The following TMEM74 variants were observed in gnomAD, a reference collection of about 807,000 sequenced individuals.
TMEM74 encodes transmembrane protein 74.
In TMEM74, 13 loss-of-function variants were observed where a neutral mutation model predicts 18.1. That is an observed-to-expected ratio of 0.72 (90% CI 0.47 to 1.14). The LOEUF (loss-of-function observed/expected upper bound fraction) is 1.14, where lower values mean the gene tolerates loss of function less well. Ranked by LOEUF, TMEM74 falls within the 50% of genes most tolerant of loss-of-function variation. TMEM74 has a pLI of 0.00. For missense variants in TMEM74, 372 were observed against 375.9 expected (o/e 0.99, Z 0.09); for synonymous variants, 159 against 146.6 (o/e 1.08, Z -0.61).
chr8:108,697,396 A>G (rs1813290658), intron 1 of TMEM74, among the ~76,000 whole-genome samples: 1 of 152,114 alleles, frequency 6.6e-6, no homozygotes, highest in Non-Finnish European at 1.5e-5. Flanking sequence ...TATAAGCTTC[A>G]ATTCCTCCTT....
At chr8:108,687,847 C>T (rs1387185231) in intron 1 of TMEM74, among the ~76,000 whole-genome samples, 1 of 151,510 alleles carries the variant, frequency 6.6e-6, no homozygotes, top group Non-Finnish European at 1.5e-5. Flanking sequence ...GCTCGCTCAC[C>T]CACCACTCAC....
intron 1 of TMEM74, among the ~76,000 whole-genome samples, chr8:108,734,196 C>A (rs1024332453): frequency 6.6e-6 from 1 of 152,106 alleles, no homozygotes; most frequent in African/African-American, 2.4e-5. Context: ...CACTCTCTCT[C>A]GGAGCTCGGA....
chr8:108,638,800 G>A (rs1246802200), intron 2 of TMEM74, among the ~76,000 whole-genome samples: 1 of 152,068 alleles, frequency 6.6e-6, no homozygotes, highest in Non-Finnish European at 1.5e-5. Context: ...GGTGTGGTGG[G>A]CTGATCGCAT....
chr8:108,740,032 T>C (rs528563264), intron 1 of TMEM74, among the ~76,000 whole-genome samples: 6 of 152,210 alleles, frequency 3.9e-5, no homozygotes, highest in African/African-American at 1.4e-4. Flanking sequence ...GGCAGGTGCA[T>C]GATCTACAGC....
intron 1 of TMEM74, among the ~76,000 whole-genome samples, chr8:108,709,617 C>T (rs1813455100): frequency 6.6e-6 from 1 of 151,914 alleles, no homozygotes; most frequent in Non-Finnish European, 1.5e-5. Context: ...CAGAGTAGTG[C>T]CTATAGTTAA....
At chr8:108,700,820 C>G (rs1336459573) in intron 1 of TMEM74, among the ~76,000 whole-genome samples, 1 of 152,158 alleles carries the variant, frequency 6.6e-6, no homozygotes, top group African/African-American at 2.4e-5. Flanking sequence ...ACAGCTGGAG[C>G]ATGGCAGAGC....
At chr8:108,693,646 C>T (rs779869558) in intron 1 of TMEM74, among the ~76,000 whole-genome samples, 2 of 152,236 alleles carry the variant, frequency 1.3e-5, no homozygotes, top group African/African-American at 4.8e-5. Flanking sequence ...TAAATAGGTA[C>T]GGGGTGGTGT....
rs78951171 is a variant in TMEM74 at position 108,785,196 on chromosome 8, G to C, written c.-39-59C>G. The C allele has an allele frequency of 4.9e-3, 6,589 of 1,343,334 alleles. 238 individuals carry two copies. The African/African-American group carries it at 0.084, about 17-fold the overall frequency. 83.2% of individuals were successfully genotyped at this position (1,343,334 alleles called of 1,614,324 possible). A position where few individuals can be genotyped will look rare whatever the true frequency, so the allele number is the denominator to read the frequency against. On this transcript the variant is annotated intron_variant, in intron 1 of 1. Coordinates refer to ENST00000297459, the MANE Select transcript of TMEM74 (RefSeq NM_153015.3). Reference sequence around the variant, plus strand: ...ACAGAAGCTAAGGTTGTACTTCCAGGAGTGTTGCTCCTGGGGTCCCCATTT... The same window carrying C: ...ACAGAAGCTAAGGTTGTACTTCCAGCAGTGTTGCTCCTGGGGTCCCCATTT...
intron 2 of TMEM74, among the ~76,000 whole-genome samples, chr8:108,642,137 G>A (rs762652897): frequency 6.6e-6 from 1 of 152,114 alleles, no homozygotes; most frequent in Non-Finnish European, 1.5e-5. Context: ...CGTGGCTCAT[G>A]CCTGTAATTC....
intron 1 of TMEM74, among the ~76,000 whole-genome samples, chr8:108,662,750 A>G (rs1318196793): frequency 1.3e-5 from 2 of 152,156 alleles, no homozygotes; most frequent in African/African-American, 4.8e-5. Context: ...CAATTTATGC[A>G]TAAAAAGCTC....
rs549305911 is a variant in TMEM74, at chr8:108,662,036, T to C, written n.120-6599A>G. On this transcript the variant is annotated intron_variant and non_coding_transcript_variant, in intron 1 of 3. Coordinates refer to the TMEM74 transcript ENST00000518838. ...GAGATAACAGTCCTTCTTTTTACAG[T>C]GGGGTGAAAGATAGAGATGGAAAAT... Among the ~76,000 whole-genome samples, 35 of 152,110 alleles carry C rather than the reference T, an allele frequency of 2.3e-4. 1 individual carries two copies. The South Asian group carries it at 3.7e-3, about 16-fold the overall frequency.
intron 1 of TMEM74, among the ~76,000 whole-genome samples, chr8:108,679,840 G>A (rs111888676): frequency 2.0e-5 from 3 of 152,034 alleles, no homozygotes; most frequent in African/African-American, 7.2e-5. Context: ...TGTCCTGAAT[G>A]GTATTGCCTA....
intron 2 of TMEM74, among the ~76,000 whole-genome samples, chr8:108,627,258 G>A (rs1354689084): frequency 6.6e-6 from 1 of 151,988 alleles, no homozygotes; most frequent in East Asian, 1.9e-4. Flanking sequence ...AATAAAGCAA[G>A]CTATAGACAA....
intron 2 of TMEM74, among the ~76,000 whole-genome samples, chr8:108,619,503 G>T (rs541613060): frequency 3.2e-4 from 48 of 152,318 alleles, no homozygotes; most frequent in African/African-American, 1.2e-3. Context: ...TATGTGACAG[G>T]CTGTGCAGCA....
At chr8:108,706,637 G>A (rs1434708709) in intron 1 of TMEM74, among the ~76,000 whole-genome samples, 1 of 152,056 alleles carries the variant, frequency 6.6e-6, no homozygotes, top group Non-Finnish European at 1.5e-5. Flanking sequence ...TCTATTTAAA[G>A]CTGATGTTTA....
chr8:108,741,956 C>T (rs1813805033), intron 1 of TMEM74, among the ~76,000 whole-genome samples: 1 of 152,162 alleles, frequency 6.6e-6, no homozygotes. Context: ...CCATGAAATA[C>T]TATGCAGCCA....
At chr8:108,697,609 G>C (rs572910566) in intron 1 of TMEM74, among the ~76,000 whole-genome samples, 1 of 152,162 alleles carries the variant, frequency 6.6e-6, no homozygotes, top group Non-Finnish European at 1.5e-5. Flanking sequence ...TAGAGACAGA[G>C]TCTCATTATG....
intron 1 of TMEM74, among the ~76,000 whole-genome samples, chr8:108,701,234 A>G (rs1430835928): frequency 6.6e-6 from 1 of 152,080 alleles, no homozygotes. Flanking sequence ...CAAGCTAGGA[A>G]TAGAGAATTT....
At chr8:108,705,897 A>T (rs1813392071) in intron 1 of TMEM74, among the ~76,000 whole-genome samples, 1 of 152,198 alleles carries the variant, frequency 6.6e-6, no homozygotes, top group Admixed American at 6.5e-5. Context: ...GTCATTCAGG[A>T]TGGCCTGAGG....
Sources: gnomAD v4.1 joint callset for allele counts (sites outside exome capture counted in the v4.1 genomes callset) on GRCh38, gnomAD v4.1.1 for gene constraint, MANE v1.5 for transcripts, NCBI Gene and HGNC (gene_info 2026-07-23, HGNC 2026-07-21) for gene names.